TYW1: variants seen among roughly 807,000 people sequenced by gnomAD.
TYW1 encodes S-adenosyl-L-methionine-dependent tRNA 4-demethylwyosine synthase TYW1.
In TYW1, 46 loss-of-function variants were observed where a neutral mutation model predicts 96.2. The observed-to-expected ratio is 0.48, with a 90% CI of 0.38 to 0.61. The LOEUF (loss-of-function observed/expected upper bound fraction) is 0.61, where lower values mean the gene tolerates loss of function less well. Among genes scored for constraint, TYW1 ranks in the 20% least tolerant of loss-of-function variants. The probability of loss-of-function intolerance (pLI) is 0.00; values close to 1 mark genes in which losing one functional copy is unlikely to be tolerated. For synonymous variants in TYW1, 274 were observed against 323.0 expected, an observed-to-expected ratio of 0.85 and a Z score of 1.63; for missense variants, 684 against 909.6, an observed-to-expected ratio of 0.75 and a Z score of 3.19.
intron 13 of TYW1, among the ~76,000 whole-genome samples, chr7:67,117,985 A>G (rs1364049490): frequency 6.6e-6 from 1 of 151,780 alleles, no homozygotes; most frequent in Non-Finnish European, 1.5e-5. Flanking sequence ...TGGTCGTAGG[A>G]CTCCCCATGG....
intron 15 of TYW1, among the ~76,000 whole-genome samples, chr7:67,220,201 A>ATTTTTTTTTTTTTTTTTTTTTTTTTTTT (rs57595328): frequency 1.1e-5 from 1 of 93,170 alleles, no homozygotes; most frequent in African/African-American, 4.5e-5. Flanking sequence ...TCATTTATTG[A>ATTTTTTTTTTTTTTTTTTTTTTTTTTTT]TTTTTTTTTT....
intron 14 of TYW1, among the ~76,000 whole-genome samples, chr7:67,186,629 G>A (rs1800033711): frequency 6.6e-6 from 1 of 151,758 alleles, no homozygotes; most frequent in Non-Finnish European, 1.5e-5. Flanking sequence ...CTGGATGACA[G>A]ACGCACACCA....
At chr7:67,097,212 A>T (rs896734504) in intron 11 of TYW1, among the ~76,000 whole-genome samples, 5 of 151,932 alleles carry the variant, frequency 3.3e-5, no homozygotes, top group African/African-American at 1.2e-4. Context: ...TGTGGCCTGG[A>T]TTGTGGGAAT....
intron 13 of TYW1, among the ~76,000 whole-genome samples, chr7:67,128,881 G>A (rs1797983038): frequency 6.6e-6 from 1 of 152,020 alleles, no homozygotes; most frequent in Admixed American, 6.6e-5. Context: ...TAGATACGGG[G>A]TTTTACCATG....
At chr7:67,141,193 A>G (rs928876009) in intron 13 of TYW1, among the ~76,000 whole-genome samples, 3 of 152,188 alleles carry the variant, frequency 2.0e-5, no homozygotes, top group African/African-American at 7.2e-5. Flanking sequence ...AAACTAGAAG[A>G]ATTTTTACCA....
chr7:67,210,656 CATCCATCCATCCGTCATCTGTCT>C (rs988744570), intron 15 of TYW1, among the ~76,000 whole-genome samples: 2 of 152,054 alleles, frequency 1.3e-5, no homozygotes, highest in Non-Finnish European at 2.9e-5. Flanking sequence ...TCCTTCTGTG[CATCCATCCATCCGTCATCTGTCT>C]ATCCATCCAT....
At chr7:67,213,036 T>C (rs548618068) in intron 15 of TYW1, among the ~76,000 whole-genome samples, 171 of 152,178 alleles carry the variant, frequency 1.1e-3, no homozygotes, top group Non-Finnish European at 2.1e-3. Context: ...CACACCCAGC[T>C]AATTTTTTGT....
chr7:67,166,053 A>AT (rs1799312314), intron 13 of TYW1, among the ~76,000 whole-genome samples: 2 of 152,148 alleles, frequency 1.3e-5, no homozygotes, highest in African/African-American at 4.8e-5. Context: ...CAGCCTGACA[A>AT]TATAGCGACA....
rs1251956971 is a variant in TYW1, at chr7:67,119,394, T to C, written c.1698+1776T>C. ...CTAACCCATCACTGTCTGGCCTCGA[T>C]GTACATTTCCTGGCTCATTTTTCAC... On this transcript the variant is annotated intron_variant, in intron 13 of 15. Transcript: ENST00000359626. Among the ~76,000 whole-genome samples, 3 of 152,290 alleles carry C rather than the reference T, an allele frequency of 2.0e-5. No individual in the cohort carries two copies. The East Asian group carries it at 5.8e-4, about 29-fold the overall frequency.
chr7:67,025,231 T>A lies in TYW1; in HGVS notation c.984+209T>A, dbSNP rs575452535. On this transcript the variant is annotated intron_variant, in intron 7 of 15. Coordinates refer to ENST00000359626, the MANE Select transcript of TYW1 (RefSeq NM_018264.4). Reference sequence around the variant, plus strand: ...CTGTGAAAGTCAGCTCATCAGAGGATAAGCAGGAGATTTGAGAACAAGGAC... The same window carrying A: ...CTGTGAAAGTCAGCTCATCAGAGGAAAAGCAGGAGATTTGAGAACAAGGAC... Among the ~76,000 whole-genome samples, 5 of 152,252 alleles carry A rather than the reference T, an allele frequency of 3.3e-5. No homozygotes were observed. In the East Asian group the frequency reaches 9.7e-4, roughly 29 times the overall value.
chr7:67,013,053 A>T (rs937700633), intron 4 of TYW1, among the ~76,000 whole-genome samples: 2 of 151,972 alleles, frequency 1.3e-5, no homozygotes, highest in Non-Finnish European at 2.9e-5. Context: ...TTATGTTTAA[A>T]ACTTTTTATT....
chr7:67,195,091 T>C (rs56035776), intron 14 of TYW1, 79 bp from the exon 15 acceptor site: 365,872 of 1,522,106 alleles, frequency 0.24, 47,132 homozygotes, highest in African/African-American at 0.43. Flanking sequence ...CTCAAGAAGG[T>C]TTTCCGGCTC....
In TYW1 at chr7:67,010,796, C is replaced by T. The variant is rs530933897; in HGVS notation, c.375+1112C>T. ...GGCCAAAAGATTTTTTATAGAGATA[C>T]GGTCTCACTATATTGCCCAGGTGGG... On this transcript the variant is annotated intron_variant, in intron 4 of 15. Transcript: ENST00000359626. Among the ~76,000 whole-genome samples the T allele has an allele frequency of 1.5e-3, 231 of 152,020 alleles. 2 individuals carry two copies. Among genetic ancestry groups the T allele is most frequent in the South Asian group, 7.7e-3 (37 of 4,808 alleles).
At chr7:67,168,743 G>A (rs1222738950) in intron 13 of TYW1, among the ~76,000 whole-genome samples, 3 of 151,542 alleles carry the variant, frequency 2.0e-5, no homozygotes, top group Admixed American at 1.3e-4. Flanking sequence ...ATGGAGTCTG[G>A]CTCTGTTGCC....
At chr7:67,094,051 G>A (rs1461136132) in intron 11 of TYW1, among the ~76,000 whole-genome samples, 17 of 151,940 alleles carry the variant, frequency 1.1e-4, no homozygotes, top group Admixed American at 9.8e-4. Context: ...CTTTAGGTCC[G>A]TGTGTACCCA....
intron 7 of TYW1, among the ~76,000 whole-genome samples, chr7:67,049,000 C>T (rs1193770398): frequency 6.6e-6 from 1 of 152,160 alleles, no homozygotes; most frequent in Non-Finnish European, 1.5e-5. Context: ...GGTGACAAAG[C>T]GAGACTCTGT....
chr7:67,124,962 T>C (rs1797869855), intron 13 of TYW1, among the ~76,000 whole-genome samples: 1 of 152,140 alleles, frequency 6.6e-6, no homozygotes, highest in Admixed American at 6.5e-5. Flanking sequence ...AGCTCCCAAG[T>C]AGCTGGAATT....
chr7:67,177,980 C>A (rs2116285119), intron 13 of TYW1, among the ~76,000 whole-genome samples: 1 of 142,250 alleles, frequency 7.0e-6, no homozygotes, highest in South Asian at 2.3e-4. Flanking sequence ...AAAGTGAGAG[C>A]CTGTCTCTAC....
At chr7:67,105,886 C>CTTTTTTT (rs11330425) in intron 12 of TYW1, among the ~76,000 whole-genome samples, 3 of 61,396 alleles carry the variant, frequency 4.9e-5, no homozygotes, top group African/African-American at 1.3e-4. Context: ...AGAGAATATT[C>CTTTTTTT]TTTTTTTTTT....
Sources: gnomAD v4.1 joint callset for allele counts (sites outside exome capture counted in the v4.1 genomes callset) on GRCh38, gnomAD v4.1.1 for gene constraint, MANE v1.5 for transcripts, NCBI Gene and HGNC (gene_info 2026-07-23, HGNC 2026-07-21) for gene names.